The following EYS variants were observed in gnomAD, a reference collection of about 807,000 sequenced individuals.
The protein encoded by EYS is EGF-like photoreceptor maintenance factor, also known as protein eyes shut homolog.
Under a neutral mutation model 282.1 loss-of-function variants are expected in EYS, and 250 were observed. That is an observed-to-expected ratio of 0.89 (90% CI 0.80 to 0.98). The LOEUF (loss-of-function observed/expected upper bound fraction) is 0.98. EYS is among the 50% of genes least tolerant of loss of function. EYS has a pLI of 0.00. For missense variants in EYS, 4,016 were observed against 3,709.0 expected (o/e 1.08, Z -2.15); for synonymous variants, 1,355 against 1,282.9 (o/e 1.06, Z -1.20).
intron 28 of EYS, among the ~76,000 whole-genome samples, chr6:64,426,603 TA>T (rs1774415922): frequency 1.3e-5 from 2 of 151,726 alleles, no homozygotes; most frequent in Non-Finnish European, 2.9e-5. Flanking sequence ...TACAAGAAAA[TA>T]AAGGTGATCC....
chr6:64,673,031 T>C (rs1769520721), intron 22 of EYS, among the ~76,000 whole-genome samples: 1 of 152,190 alleles, frequency 6.6e-6, no homozygotes, highest in African/African-American at 2.4e-5. Context: ...TAGTTAGTCT[T>C]GCTCTGCTTA....
intron 29 of EYS, among the ~76,000 whole-genome samples, chr6:64,328,095 T>A (rs1265745022): frequency 1.3e-5 from 2 of 152,182 alleles, no homozygotes; most frequent in Admixed American, 1.3e-4. Context: ...CTACTACTGA[T>A]CTCTTAAATT....
At chr6:64,042,859 A>C (rs1411466609) in intron 33 of EYS, among the ~76,000 whole-genome samples, 3 of 152,110 alleles carry the variant, frequency 2.0e-5, no homozygotes, top group Admixed American at 6.6e-5. Context: ...ACCATCTTTA[A>C]GGACTTCCAC....
intron 26 of EYS, among the ~76,000 whole-genome samples, chr6:64,516,234 A>G (rs1166694193): frequency 6.6e-6 from 1 of 151,374 alleles, no homozygotes; most frequent in East Asian, 2.0e-4. Context: ...TAATACCTGT[A>G]GGATGAAATA....
chr6:65,419,299 A>G (rs1216409547), intron 5 of EYS, among the ~76,000 whole-genome samples: 1 of 151,992 alleles, frequency 6.6e-6, no homozygotes, highest in Non-Finnish European at 1.5e-5. Flanking sequence ...TAGAAATTTT[A>G]TAATTTGATT....
At chr6:65,443,209 ATG>A (rs1768455235) in intron 5 of EYS, among the ~76,000 whole-genome samples, 2 of 151,992 alleles carry the variant, frequency 1.3e-5, no homozygotes, top group Non-Finnish European at 2.9e-5. Context: ...ACATATATGT[ATG>A]CATCATATAC....
At chr6:63,792,774 C>G (rs1391381674) in intron 37 of EYS, among the ~76,000 whole-genome samples, 2 of 151,792 alleles carry the variant, frequency 1.3e-5, no homozygotes, top group Non-Finnish European at 2.9e-5. Context: ...GAAACTTGTG[C>G]AGTTGCATGG....
chr6:63,928,439 C>A (rs1189914923), intron 35 of EYS, among the ~76,000 whole-genome samples: 3 of 152,052 alleles, frequency 2.0e-5, no homozygotes, highest in Non-Finnish European at 4.4e-5. Flanking sequence ...ATCAGACATA[C>A]AATAGGTGAT....
At chr6:64,657,303 T>A (rs958436048) in intron 22 of EYS, among the ~76,000 whole-genome samples, 1 of 152,248 alleles carries the variant, frequency 6.6e-6, no homozygotes, top group East Asian at 1.9e-4. Context: ...CTTGACTTTT[T>A]ATCCAATTTG....
At chr6:65,032,671 C>A (rs1188750365) in intron 13 of EYS, among the ~76,000 whole-genome samples, 2 of 151,928 alleles carry the variant, frequency 1.3e-5, no homozygotes, top group African/African-American at 4.8e-5. Flanking sequence ...AATGAAATAT[C>A]TCTCTCTTTT....
chr6:64,633,861 T>C (rs1315625635), intron 22 of EYS, among the ~76,000 whole-genome samples: 2 of 152,188 alleles, frequency 1.3e-5, no homozygotes, highest in African/African-American at 4.8e-5. Context: ...CTTTATATGA[T>C]TGTAATCCAG....
chr6:64,342,472 A>G (rs890412393), intron 29 of EYS, among the ~76,000 whole-genome samples: 1 of 151,984 alleles, frequency 6.6e-6, no homozygotes, highest in Non-Finnish European at 1.5e-5. Context: ...ACTAAGCTTC[A>G]TAAGTGAAGG....
At chr6:65,453,179 G>T (rs942909541) in intron 5 of EYS, among the ~76,000 whole-genome samples, 2 of 151,990 alleles carry the variant, frequency 1.3e-5, no homozygotes, top group African/African-American at 4.8e-5. Context: ...AACATAGCGT[G>T]TATTTAACTA....
intron 33 of EYS, among the ~76,000 whole-genome samples, chr6:64,039,098 A>C (rs555363081): frequency 6.6e-5 from 10 of 152,178 alleles, no homozygotes; most frequent in African/African-American, 2.2e-4. Context: ...AGTCTGTTCT[A>C]TTCTACCTAA....
At chr6:64,185,252 AG>A (rs1395661245) in intron 31 of EYS, among the ~76,000 whole-genome samples, 3 of 152,200 alleles carry the variant, frequency 2.0e-5, no homozygotes, top group African/African-American at 7.2e-5. Context: ...CCACCAATAC[AG>A]GAAGACATTT....
At chr6:65,214,286 T>C (rs569344024) in intron 12 of EYS, among the ~76,000 whole-genome samples, 56 of 151,780 alleles carry the variant, frequency 3.7e-4, no homozygotes, top group African/African-American at 1.3e-3. Flanking sequence ...ATTAAAAGTG[T>C]TACTTCAGTG....
chr6:63,728,649 G>T (rs749076446), intron 41 of EYS, among the ~76,000 whole-genome samples: 1 of 152,062 alleles, frequency 6.6e-6, no homozygotes, highest in East Asian at 1.9e-4. Flanking sequence ...TGACAAATGC[G>T]TTGTGAAATT....
intron 12 of EYS, among the ~76,000 whole-genome samples, chr6:65,110,583 A>T (rs991326410): frequency 2.0e-5 from 3 of 152,056 alleles, no homozygotes; most frequent in Non-Finnish European, 2.9e-5. Context: ...GTAAATAGAG[A>T]TAATCATTTT....
chr6:64,872,399 T>A (rs751899965), intron 19 of EYS, among the ~76,000 whole-genome samples: 2 of 152,044 alleles, frequency 1.3e-5, no homozygotes, highest in Non-Finnish European at 2.9e-5. Context: ...ATTAATTAAA[T>A]GTTGAAAACC....
Sources: gnomAD v4.1 joint callset for allele counts (sites outside exome capture counted in the v4.1 genomes callset) on GRCh38, gnomAD v4.1.1 for gene constraint, MANE v1.5 for transcripts, NCBI Gene and HGNC (gene_info 2026-07-23, HGNC 2026-07-21) for gene names.